PEBP4: variants seen among roughly 807,000 people sequenced by gnomAD.
PEBP4 encodes phosphatidylethanolamine binding protein 4.
In PEBP4, 22 loss-of-function variants were observed where a neutral mutation model predicts 23.9. That is an observed-to-expected ratio of 0.92 (90% CI 0.66 to 1.31). The LOEUF is 1.31. Among genes scored for constraint, PEBP4 ranks in the 40% most tolerant of loss-of-function variants. The probability of loss-of-function intolerance (pLI) is 0.00; values close to 1 mark genes in which losing one functional copy is unlikely to be tolerated. For synonymous variants in PEBP4, 112 were observed against 99.3 expected, an observed-to-expected ratio of 1.13 and a Z score of -0.76; for missense variants, 324 against 281.7, an observed-to-expected ratio of 1.15 and a Z score of -1.07.
intron 3 of PEBP4, chr8:22,886,894 G>A (rs1008048600): frequency 2.0e-5 from 3 of 152,430 alleles, no homozygotes; most frequent in African/African-American, 7.2e-5. Flanking sequence ...TAAGGTCAGA[G>A]GGATTCGAGG....
At chr8:22,785,448 G>A (rs1367670308) in intron 4 of PEBP4, among the ~76,000 whole-genome samples, 1 of 152,124 alleles carries the variant, frequency 6.6e-6, no homozygotes, top group Non-Finnish European at 1.5e-5. Flanking sequence ...GTGTCCTCTC[G>A]GAGACGCCCT....
chr8:22,735,472 G>A (rs889200622), intron 4 of PEBP4, among the ~76,000 whole-genome samples: 10 of 152,210 alleles, frequency 6.6e-5, no homozygotes, highest in Admixed American at 2.0e-4. Context: ...TTGGGTGTCC[G>A]TTGAAGCCAG....
intron 3 of PEBP4, among the ~76,000 whole-genome samples, chr8:22,826,667 T>C (rs567311354): frequency 1.6e-4 from 25 of 152,368 alleles, no homozygotes; most frequent in Admixed American, 1.3e-3. Flanking sequence ...AGCATATCTA[T>C]TGCTTTATTT....
rs76661203 is a variant in PEBP4, at chr8:22,908,269, A to C, written c.258+11915T>G. Reference sequence around the variant, plus strand: ...ATTGGATGAGACCACCCAGCAGAAGAAGCTGGGAACAAGAAAGGAGAAAAG... The same window carrying C: ...ATTGGATGAGACCACCCAGCAGAAGCAGCTGGGAACAAGAAAGGAGAAAAG... On this transcript the variant is annotated intron_variant, in intron 3 of 6. Transcript: ENST00000256404. 1.7e-3 allele frequency among the ~76,000 whole-genome samples: 259 copies of C among 152,256 alleles called. 1 individual carries two copies. The highest frequency in any genetic ancestry group is 5.9e-3 in the African/African-American group (245 of 41,536).
intron 3 of PEBP4, among the ~76,000 whole-genome samples, chr8:22,914,045 T>C (rs1809012602): frequency 6.7e-6 from 1 of 150,274 alleles, no homozygotes; most frequent in Non-Finnish European, 1.5e-5. Context: ...TGGAGTATAG[T>C]GGCGCGATCT....
intron 4 of PEBP4, among the ~76,000 whole-genome samples, chr8:22,782,489 A>T (rs1805945144): frequency 6.6e-6 from 1 of 152,222 alleles, no homozygotes; most frequent in South Asian, 2.1e-4. Flanking sequence ...GTTTCAGGGA[A>T]CTGACATTTT....
intron 3 of PEBP4, among the ~76,000 whole-genome samples, chr8:22,866,249 G>A (rs1335017854): frequency 1.3e-5 from 2 of 152,282 alleles, no homozygotes; most frequent in South Asian, 2.1e-4. Context: ...ACAAGGCCAC[G>A]CAGGCCAATC....
intron 4 of PEBP4, among the ~76,000 whole-genome samples, chr8:22,740,733 G>C (rs1442140338): frequency 6.6e-6 from 1 of 152,160 alleles, no homozygotes; most frequent in Admixed American, 6.5e-5. Flanking sequence ...CAGCTCTCAA[G>C]TCAGACCCTT....
intron 4 of PEBP4, among the ~76,000 whole-genome samples, chr8:22,742,775 T>G (rs147529843): frequency 2.4e-4 from 36 of 152,242 alleles, no homozygotes; most frequent in African/African-American, 8.7e-4. Context: ...GAGTCCCCTT[T>G]TTCCACCCCG....
At chr8:22,908,285 A>G (rs1319458536) in intron 3 of PEBP4, among the ~76,000 whole-genome samples, 3 of 152,140 alleles carry the variant, frequency 2.0e-5, no homozygotes, top group Non-Finnish European at 4.4e-5. Flanking sequence ...GGAACAAGAA[A>G]GGAGAAAAGG....
intron 4 of PEBP4, 87 bp downstream of exon 4, chr8:22,817,550 C>G (rs1806769201): frequency 7.9e-7 from 1 of 1,271,786 alleles, no homozygotes; most frequent in Non-Finnish European, 1.1e-6. Context: ...CTCCAACCTT[C>G]CTGGATGAGA....
chr8:22,796,603 T>A (rs4872024), intron 4 of PEBP4, among the ~76,000 whole-genome samples: 1 of 151,942 alleles, frequency 6.6e-6, no homozygotes, highest in South Asian at 2.1e-4. Context: ...ACTTGCTGCA[T>A]ACCAAGGAAG....
At chr8:22,803,553 ACTCAGGAAG>A (rs1806433456) in intron 4 of PEBP4, among the ~76,000 whole-genome samples, 1 of 152,052 alleles carries the variant, frequency 6.6e-6, no homozygotes, top group African/African-American at 2.4e-5. Flanking sequence ...AATCCCAGCT[ACTCAGGAAG>A]CTGAGGCCGG....
chr8:22,739,649 A>G lies in PEBP4; in HGVS notation c.358-12429T>C, dbSNP rs557381868. On this transcript the variant is annotated intron_variant, in intron 4 of 6. Coordinates refer to ENST00000256404, the MANE Select transcript of PEBP4 (RefSeq NM_144962.3). ...TGTCCTGGAATCCCGAGTGGCTGTG[A>G]CTGCTGACTGATGCCCCCCTCCCCA... is the stretch of plus-strand genomic sequence containing the variant. Among the ~76,000 whole-genome samples the G allele has an allele frequency of 5.9e-5, 9 of 152,084 alleles. No homozygotes were observed. In the South Asian group the frequency reaches 1.7e-3, roughly 28 times the overall value.
At chr8:22,804,433 T>C (rs962547736) in intron 4 of PEBP4, among the ~76,000 whole-genome samples, 7 of 152,208 alleles carry the variant, frequency 4.6e-5, no homozygotes, top group Non-Finnish European at 1.0e-4. Flanking sequence ...AGACCGGACA[T>C]TGGCGGTTCT....
chr8:22,836,481 G>A (rs1807207791), intron 3 of PEBP4, among the ~76,000 whole-genome samples: 1 of 152,182 alleles, frequency 6.6e-6, no homozygotes, highest in Non-Finnish European at 1.5e-5. Flanking sequence ...ATACTTGTTG[G>A]CAACATGTTC....
At chr8:22,770,703 T>G (rs1209404286) in intron 4 of PEBP4, among the ~76,000 whole-genome samples, 1 of 152,254 alleles carries the variant, frequency 6.6e-6, no homozygotes, top group Non-Finnish European at 1.5e-5. Context: ...AATATTTCTG[T>G]GCCTCCATCC....
At chr8:22,753,382 A>T (rs1013138399) in intron 4 of PEBP4, among the ~76,000 whole-genome samples, 4 of 152,198 alleles carry the variant, frequency 2.6e-5, no homozygotes, top group Non-Finnish European at 4.4e-5. Flanking sequence ...GGCCGCATGA[A>T]CTTTGACAAG....
At chr8:22,771,425 G>C (rs936167797) in intron 4 of PEBP4, among the ~76,000 whole-genome samples, 1 of 152,166 alleles carries the variant, frequency 6.6e-6, no homozygotes, top group Non-Finnish European at 1.5e-5. Flanking sequence ...GGAGGTGGAG[G>C]TTGCAGCGAG....
Sources: allele counts gnomAD v4.1 joint callset (sites outside exome capture counted in the v4.1 genomes callset), GRCh38; gene constraint gnomAD v4.1.1; transcripts MANE v1.5; gene names NCBI Gene and HGNC (gene_info 2026-07-23, HGNC 2026-07-21).